Variants in DSE observed in about 807,000 individuals in gnomAD.
DSE encodes the protein dermatan sulfate epimerase.
DSE carries 36 observed loss-of-function variants against 84.4 expected under a neutral mutation model. The observed-to-expected ratio is 0.43, with a 90% CI of 0.33 to 0.56. DSE has a LOEUF of 0.56. DSE is among the 20% of genes least tolerant of loss of function. The pLI, the probability that DSE is intolerant of heterozygous loss-of-function variation, is 0.06. For synonymous variants in DSE, 410 were observed against 430.1 expected, an observed-to-expected ratio of 0.95 and a Z score of 0.58; for missense variants, 862 against 1,169.6, an observed-to-expected ratio of 0.74 and a Z score of 3.84.
chr6:116,268,031 G>A (rs979650622), intron 2 of DSE, among the ~76,000 whole-genome samples: 1 of 152,162 alleles, frequency 6.6e-6, no homozygotes, highest in Non-Finnish European at 1.5e-5. Flanking sequence ...TGGGGACACA[G>A]AGCCAAACCG....
rs145097654 is a variant in DSE, at chr6:116,407,395, A to G, written c.416+7729A>G. Among the ~76,000 whole-genome samples, 679 of 152,222 alleles carry G rather than the reference A, an allele frequency of 4.5e-3. 22 individuals are homozygous for G. Among genetic ancestry groups the G allele is most frequent in the South Asian group, 0.042 (203 of 4,808 alleles). On this transcript the variant is annotated intron_variant, in intron 2 of 5. Coordinates refer to ENST00000644252, the MANE Select transcript of DSE (RefSeq NM_013352.4). ...CTTTTTGTGTCACTCTATTTCTTCT[A>G]TCTACTTTATTTGTCTCACTTTGTT...
At chr6:116,334,743 A>G (rs1040340908) in intron 2 of DSE, among the ~76,000 whole-genome samples, 3 of 152,234 alleles carry the variant, frequency 2.0e-5, no homozygotes, top group Non-Finnish European at 4.4e-5. Context: ...GGCAAAGGAT[A>G]TGAACAGACT....
At chr6:116,306,115 A>C (rs757505909) in intron 2 of DSE, among the ~76,000 whole-genome samples, 1 of 152,210 alleles carries the variant, frequency 6.6e-6, no homozygotes, top group Non-Finnish European at 1.5e-5. Flanking sequence ...TGATATATGC[A>C]TATATATGTA....
At chr6:116,278,768 T>G in intron 2 of DSE, 2 of 1,614,148 alleles carry the variant, frequency 1.2e-6, no homozygotes, top group Non-Finnish European at 1.7e-6. Context: ...CGCCATATAA[T>G]TGGAGTAGAA....
chr6:116,257,604 C>G (rs1772200128), intron 1 of DSE, among the ~76,000 whole-genome samples: 1 of 152,218 alleles, frequency 6.6e-6, no homozygotes, highest in South Asian at 2.1e-4. Flanking sequence ...AAGGCACCAA[C>G]AGATTTGGTG....
At chr6:116,403,790 T>C (rs1475276924) in intron 2 of DSE, among the ~76,000 whole-genome samples, 11 of 152,210 alleles carry the variant, frequency 7.2e-5, no homozygotes, top group Admixed American at 7.2e-4. Flanking sequence ...AAGTTTCCCA[T>C]AGGGCTTTTA....
In DSE at chr6:116,269,664, C is replaced by T. The variant is rs1270374786; in HGVS notation, c.-54+10697C>T. On this transcript the variant is annotated intron_variant, in intron 2 of 3. Coordinates refer to the DSE transcript ENST00000430252. ...TATTTTGGGCTGATAGGGAAAACAACCCTTTTTGCTCTAACTAAAGTGCTT... is the reference window on the plus strand; with the variant it reads ...TATTTTGGGCTGATAGGGAAAACAATCCTTTTTGCTCTAACTAAAGTGCTT... 2.0e-5 allele frequency among the ~76,000 whole-genome samples: 3 copies of T among 152,116 alleles called. No individual in the cohort carries two copies. In the East Asian group the frequency reaches 5.8e-4, roughly 29 times the overall value.
chr6:116,303,726 A>G (rs971414589), intron 2 of DSE, among the ~76,000 whole-genome samples: 3 of 152,188 alleles, frequency 2.0e-5, no homozygotes, highest in East Asian at 3.8e-4. Flanking sequence ...CAGAAGGGCC[A>G]TAGATAAAAT....
At chr6:116,386,056 A>G (rs1780560572) in intron 1 of DSE, among the ~76,000 whole-genome samples, 1 of 152,142 alleles carries the variant, frequency 6.6e-6, no homozygotes, top group Non-Finnish European at 1.5e-5. Flanking sequence ...TACCATCTGT[A>G]TGTTTCATTT....
chr6:116,289,800 G>C (rs137963843), intron 2 of DSE, among the ~76,000 whole-genome samples: 1 of 152,116 alleles, frequency 6.6e-6, no homozygotes, highest in African/African-American at 2.4e-5. Context: ...CATTAGCTGA[G>C]AACTCTGCCT....
At chr6:116,296,279 A>AT (rs1331464142) in intron 2 of DSE, among the ~76,000 whole-genome samples, 1 of 152,144 alleles carries the variant, frequency 6.6e-6, no homozygotes. Context: ...ATACTGTATT[A>AT]TTTTTTAATT....
At chr6:116,278,284 C>T in intron 2 of DSE, 1 of 547,978 alleles carries the variant, frequency 1.8e-6, no homozygotes, top group Non-Finnish European at 3.3e-6. Flanking sequence ...GAAGGATGAC[C>T]TCGTAGCATG....
intron 2 of DSE, among the ~76,000 whole-genome samples, chr6:116,265,485 T>C (rs572375576): frequency 1.3e-5 from 2 of 152,124 alleles, no homozygotes; most frequent in East Asian, 1.9e-4. Flanking sequence ...AATCTGCCCA[T>C]ACAGACGTGC....
chr6:116,331,621 T>C lies in DSE; in HGVS notation c.-53-67577T>C, dbSNP rs73548977. Among the ~76,000 whole-genome samples, 1,176 of 152,272 alleles carry C rather than the reference T, an allele frequency of 7.7e-3. 13 individuals are homozygous for C. The highest frequency in any genetic ancestry group is 0.027 in the African/African-American group (1,107 of 41,528). ...TAGTTACCAACATTTCTAGGCTACC[T>C]GCCACTGAAAGTCCTAATTAGTGTG... On this transcript the variant is annotated intron_variant, in intron 2 of 3. Transcript: ENST00000430252.
intron 2 of DSE, among the ~76,000 whole-genome samples, chr6:116,349,248 C>G (rs994483439): frequency 5.3e-5 from 8 of 152,062 alleles, no homozygotes; most frequent in African/African-American, 1.9e-4. Flanking sequence ...CACCTCTAAA[C>G]CTGGATTCCT....
At chr6:116,363,111 C>A (rs780017650) in intron 2 of DSE, among the ~76,000 whole-genome samples, 2 of 152,114 alleles carry the variant, frequency 1.3e-5, no homozygotes, top group South Asian at 4.1e-4. Context: ...CAGGCAGATT[C>A]ATTTAAAGTA....
At chr6:116,300,445 G>T (rs7763697) in intron 2 of DSE, among the ~76,000 whole-genome samples, 6,310 of 152,154 alleles carry the variant, frequency 0.041, 202 homozygotes, top group African/African-American at 0.086. Flanking sequence ...ATTTTATCCT[G>T]CTTGTTGATA....
In DSE at chr6:116,323,956, T is replaced by A. The variant is rs114539655; in HGVS notation, c.-54+64989T>A. ...CTGATTTATCCAACTCTTCTCTTTT[T>A]TTCTGGGCCCCCTAGTCAAACCTGC... On this transcript the variant is annotated intron_variant, in intron 2 of 3. Transcript: ENST00000430252. Among the ~76,000 whole-genome samples, 1,062 of 152,268 alleles carry A rather than the reference T, an allele frequency of 7.0e-3. 20 individuals carry two copies. Among genetic ancestry groups the A allele is most frequent in the African/African-American group, 0.024 (983 of 41,546 alleles).
intron 2 of DSE, among the ~76,000 whole-genome samples, chr6:116,425,646 G>T: frequency 7.3e-6 from 1 of 137,838 alleles, no homozygotes; most frequent in Admixed American, 7.5e-5. Flanking sequence ...TTTTTGAGAC[G>T]GAGTCTCGCT....
Sources: allele counts gnomAD v4.1 joint callset (sites outside exome capture counted in the v4.1 genomes callset), GRCh38; gene constraint gnomAD v4.1.1; transcripts MANE v1.5; gene names NCBI Gene and HGNC (gene_info 2026-07-23, HGNC 2026-07-21).